The following ZBTB20 variants were observed in gnomAD, a reference collection of about 807,000 sequenced individuals.
The protein encoded by ZBTB20 is zinc finger and BTB domain containing 20, also known as zinc finger and BTB domain-containing protein 20.
Under a neutral mutation model 56.9 loss-of-function variants are expected in ZBTB20, and 9 were observed. The ratio of observed to expected loss-of-function variants is 0.16; its 90% CI spans 0.10 to 0.28. The LOEUF is 0.28. Among genes scored for constraint, ZBTB20 ranks in the 10% least tolerant of loss-of-function variants. The pLI is 1.00. For synonymous variants in ZBTB20, 417 were observed against 420.7 expected, an observed-to-expected ratio of 0.99 and a Z score of 0.11; for missense variants, 655 against 1,003.0, an observed-to-expected ratio of 0.65 and a Z score of 4.69.
chr3:114,773,483 T>A (rs1273920148), intron 5 of ZBTB20, among the ~76,000 whole-genome samples: 3 of 152,170 alleles, frequency 2.0e-5, no homozygotes, highest in Admixed American at 2.0e-4. Context: ...TTCCTTCTTT[T>A]AGTCATATCC....
At chr3:114,906,942 T>C (rs2075341869) in intron 3 of ZBTB20, among the ~76,000 whole-genome samples, 2 of 151,802 alleles carry the variant, frequency 1.3e-5, no homozygotes, top group Non-Finnish European at 2.9e-5. Context: ...GCTTTTCCCT[T>C]AGGTGACGCA....
At chr3:114,697,932 A>G (rs551498348) in intron 5 of ZBTB20, among the ~76,000 whole-genome samples, 6 of 152,220 alleles carry the variant, frequency 3.9e-5, no homozygotes, top group African/African-American at 1.4e-4. Context: ...TGGTGACCCC[A>G]ATATTCCAAT....
chr3:114,878,473 A>T (rs1209322623), intron 4 of ZBTB20, among the ~76,000 whole-genome samples: 2 of 151,984 alleles, frequency 1.3e-5, no homozygotes, highest in Non-Finnish European at 2.9e-5. Flanking sequence ...GGGAAATGGT[A>T]AAATAGATGT....
At chr3:115,037,101 C>G (rs1370222288) in intron 2 of ZBTB20, among the ~76,000 whole-genome samples, 1 of 152,058 alleles carries the variant, frequency 6.6e-6, no homozygotes, top group Middle Eastern at 3.2e-3. Context: ...TAAGCTTTTA[C>G]TAATAGTGAG....
At chr3:114,922,572 G>A (rs2075999991) in intron 3 of ZBTB20, among the ~76,000 whole-genome samples, 1 of 152,180 alleles carries the variant, frequency 6.6e-6, no homozygotes, top group East Asian at 1.9e-4. Flanking sequence ...CTTAGTCTGT[G>A]GGCATTGCTT....
chr3:114,755,905 T>C (rs2067976129), intron 5 of ZBTB20, among the ~76,000 whole-genome samples: 1 of 152,174 alleles, frequency 6.6e-6, no homozygotes, highest in Non-Finnish European at 1.5e-5. Context: ...CTTATGGATG[T>C]TACAAACTGT....
chr3:115,016,260 T>C (rs564297811), intron 2 of ZBTB20, among the ~76,000 whole-genome samples: 1 of 152,104 alleles, frequency 6.6e-6, no homozygotes, highest in South Asian at 2.1e-4. Context: ...TCTCATTCTG[T>C]AGGTTGTCTG....
intron 1 of ZBTB20, among the ~76,000 whole-genome samples, chr3:115,114,157 T>C (rs74341176): frequency 0.019 from 2,959 of 152,298 alleles, 106 homozygotes; most frequent in African/African-American, 0.068. Context: ...CAAACTGCTC[T>C]TGATGCTCTT....
intron 5 of ZBTB20, among the ~76,000 whole-genome samples, chr3:114,767,041 T>C (rs551406234): frequency 5.2e-4 from 79 of 152,182 alleles, no homozygotes; most frequent in African/African-American, 1.6e-3. Flanking sequence ...TCTATAGAAG[T>C]TGGAGATGGT....
intron 2 of ZBTB20, among the ~76,000 whole-genome samples, chr3:115,000,719 T>C (rs1342229879): frequency 2.0e-5 from 3 of 151,628 alleles, no homozygotes; most frequent in African/African-American, 7.2e-5. Context: ...AGTGATGTGC[T>C]GCCAAAAGTA....
At chr3:114,614,521 A>G (rs1415987516) in intron 6 of ZBTB20, among the ~76,000 whole-genome samples, 1 of 152,176 alleles carries the variant, frequency 6.6e-6, no homozygotes, top group Non-Finnish European at 1.5e-5. Context: ...CAGTTACCTT[A>G]TGAAGAATGA....
intron 3 of ZBTB20, among the ~76,000 whole-genome samples, chr3:114,941,749 A>C (rs1183381642): frequency 6.8e-6 from 1 of 146,264 alleles, no homozygotes; most frequent in East Asian, 1.9e-4. Flanking sequence ...CGTTGTCCAA[A>C]TAGGTGTGTT....
At chr3:114,952,184 G>T (rs111273546) in intron 3 of ZBTB20, among the ~76,000 whole-genome samples, 3,013 of 152,164 alleles carry the variant, frequency 0.02, 41 homozygotes, top group South Asian at 0.032. Context: ...AATTGCCATT[G>T]TAACAGTGTT....
intron 4 of ZBTB20, among the ~76,000 whole-genome samples, chr3:114,817,909 T>C (rs889983947): frequency 6.6e-6 from 1 of 152,072 alleles, no homozygotes; most frequent in Non-Finnish European, 1.5e-5. Flanking sequence ...ACTAAGCCAA[T>C]AAAATTAATA....
At chr3:114,396,093 G>A (rs575364312) in intron 7 of ZBTB20, among the ~76,000 whole-genome samples, 58 of 152,144 alleles carry the variant, frequency 3.8e-4, no homozygotes, top group African/African-American at 1.1e-3. Context: ...TTATGTCACC[G>A]GATACTGGAA....
At chr3:115,067,188 T>C (rs2082237451) in intron 2 of ZBTB20, among the ~76,000 whole-genome samples, 2 of 152,098 alleles carry the variant, frequency 1.3e-5, no homozygotes, top group Admixed American at 1.3e-4. Context: ...TGTGTCTTAA[T>C]CATCTTTACA....
At chr3:114,480,561 T>C (rs922730271) in intron 7 of ZBTB20, among the ~76,000 whole-genome samples, 1 of 152,214 alleles carries the variant, frequency 6.6e-6, no homozygotes, top group Non-Finnish European at 1.5e-5. Flanking sequence ...ACAACACTGC[T>C]TGTGGATGTA....
intron 5 of ZBTB20, among the ~76,000 whole-genome samples, chr3:114,787,697 A>G (rs2070659286): frequency 6.6e-6 from 1 of 151,990 alleles, no homozygotes; most frequent in African/African-American, 2.4e-5. Flanking sequence ...GTATACCAAG[A>G]AGTTTATTAA....
At chr3:114,783,152 A>G (rs1027954829) in intron 5 of ZBTB20, among the ~76,000 whole-genome samples, 1 of 152,206 alleles carries the variant, frequency 6.6e-6, no homozygotes, top group Non-Finnish European at 1.5e-5. Context: ...AATTAAATTA[A>G]TAATTATAAT....
Sources: allele counts gnomAD v4.1 joint callset (sites outside exome capture counted in the v4.1 genomes callset), GRCh38; gene constraint gnomAD v4.1.1; transcripts MANE v1.5; gene names NCBI Gene and HGNC (gene_info 2026-07-23, HGNC 2026-07-21).